SLC1A6: variants seen among roughly 807,000 people sequenced by gnomAD.
The protein encoded by SLC1A6 is solute carrier family 1 member 6, also known as excitatory amino acid transporter 4.
SLC1A6 carries 15 observed loss-of-function variants against 42.1 expected under a neutral mutation model. That is an observed-to-expected ratio of 0.36 (90% CI 0.24 to 0.55). The LOEUF (loss-of-function observed/expected upper bound fraction) is 0.55. Among genes scored for constraint, SLC1A6 ranks in the 20% least tolerant of loss-of-function variants. The probability of loss-of-function intolerance (pLI) is 0.88; values close to 1 mark genes in which losing one functional copy is unlikely to be tolerated. For missense variants in SLC1A6, 542 were observed against 772.5 expected, an observed-to-expected ratio of 0.70 and a Z score of 3.54; for synonymous variants, 317 against 319.7, an observed-to-expected ratio of 0.99 and a Z score of 0.09.
upstream of SLC1A6, among the ~76,000 whole-genome samples, chr19:14,981,661 T>A (rs1366955162): frequency 6.6e-6 from 1 of 152,154 alleles, no homozygotes; most frequent in Admixed American, 6.6e-5. Flanking sequence ...GAGCCCTCGG[T>A]CTGTCACGCA....
At chr19:14,959,947 T>A (rs1048038718) in intron 6 of SLC1A6, among the ~76,000 whole-genome samples, 5 of 152,256 alleles carry the variant, frequency 3.3e-5, no homozygotes, top group Non-Finnish European at 7.3e-5. Flanking sequence ...CCTTGTGTTA[T>A]ATTGATCTAC....
chr19:14,958,804 T>G (rs945234306), intron 6 of SLC1A6, among the ~76,000 whole-genome samples: 7 of 152,204 alleles, frequency 4.6e-5, no homozygotes, highest in Non-Finnish European at 8.8e-5. Flanking sequence ...CTGCTATAAA[T>G]TCATTGTTCC....
At chr19:14,986,682 C>T (rs1036551313) in intron 1 of SLC1A6, among the ~76,000 whole-genome samples, 1 of 151,388 alleles carries the variant, frequency 6.6e-6, no homozygotes, top group South Asian at 2.1e-4. Flanking sequence ...CCTTGACATC[C>T]TGGGCTCAAG....
At chr19:15,002,439 A>C (rs186467525) in intron 1 of SLC1A6, among the ~76,000 whole-genome samples, 1 of 152,176 alleles carries the variant, frequency 6.6e-6, no homozygotes, top group Admixed American at 6.6e-5. Flanking sequence ...CCTGGCTTGG[A>C]TTTCTTCAGA....
intron 9 of SLC1A6, among the ~76,000 whole-genome samples, chr19:14,951,521 G>GTTTTTA (rs1259962970): frequency 6.6e-6 from 1 of 151,840 alleles, no homozygotes; most frequent in South Asian, 2.1e-4. Context: ...TTTTGTTTTT[G>GTTTTTA]TTTTTGTTTT....
intron 1 of SLC1A6, among the ~76,000 whole-genome samples, chr19:14,996,571 C>CT (rs1309559476): frequency 1.3e-3 from 40 of 31,410 alleles, no homozygotes; most frequent in South Asian, 4.3e-3. Context: ...GTTCTTCTTC[C>CT]TCTTCTTCTT....
intron 1 of SLC1A6, among the ~76,000 whole-genome samples, chr19:14,995,712 CAT>C (rs761691518): frequency 2.0e-5 from 3 of 151,990 alleles, no homozygotes; most frequent in Non-Finnish European, 4.4e-5. Context: ...TTAATTAAAA[CAT>C]ATATTAAAAG....
chr19:14,960,341 A>G (rs987513045), intron 6 of SLC1A6, among the ~76,000 whole-genome samples: 5 of 152,254 alleles, frequency 3.3e-5, no homozygotes, highest in African/African-American at 1.2e-4. Flanking sequence ...AAATAAACAG[A>G]TGAATCCATC....
chr19:14,997,479 G>A (rs7256386), intron 1 of SLC1A6, among the ~76,000 whole-genome samples: 13,716 of 152,144 alleles, frequency 0.09, 678 homozygotes, highest in Middle Eastern at 0.16. Context: ...GATATTTGGG[G>A]TTCATAGCTT....
upstream of SLC1A6, among the ~76,000 whole-genome samples, chr19:14,982,397 C>T (rs144574923): frequency 5.9e-3 from 895 of 152,106 alleles, 41 homozygotes; most frequent in East Asian, 0.13. Flanking sequence ...GGCATGGTGG[C>T]GGGTGCCTGT....
At chr19:14,988,030 G>A (rs1036433476) in intron 1 of SLC1A6, among the ~76,000 whole-genome samples, 6 of 152,034 alleles carry the variant, frequency 3.9e-5, no homozygotes, top group Non-Finnish European at 4.4e-5. Context: ...AAAATCAGCC[G>A]GGCGTGGTGG....
chr19:15,005,293 G>A (rs936063122), intron 1 of SLC1A6, among the ~76,000 whole-genome samples: 4 of 150,758 alleles, frequency 2.7e-5, no homozygotes, highest in Admixed American at 2.0e-4. Flanking sequence ...GCACGGTGGC[G>A]GTCAGGAGTT....
At chr19:14,974,453 A>G (rs988199686) in intron 1 of SLC1A6, 2 of 152,190 alleles carry the variant, frequency 1.3e-5, no homozygotes, top group African/African-American at 4.8e-5. Context: ...TATATTTTTC[A>G]TCAACATTAA....
intron 1 of SLC1A6, among the ~76,000 whole-genome samples, chr19:14,991,832 GCTTTTTT>G (rs2045821620): frequency 7.5e-6 from 1 of 133,016 alleles, no homozygotes; most frequent in African/African-American, 2.9e-5. Flanking sequence ...TTTTCCTTCT[GCTTTTTT>G]CTTTTTTTTT....
At chr19:14,975,764 AAG>A (rs761969047) in intron 1 of SLC1A6, among the ~76,000 whole-genome samples, 1 of 15,710 alleles carries the variant, frequency 6.4e-5, no homozygotes, top group African/African-American at 3.1e-4. Context: ...AAAAAAAAAA[AAG>A]GAAAAAAAAA....
At chr19:14,978,253 C>T (rs1481249369) in intron 1 of SLC1A6, 1 of 152,200 alleles carries the variant, frequency 6.6e-6, no homozygotes, top group East Asian at 1.9e-4. Context: ...GTGTGGGCTG[C>T]TTCTCGGAGC....
At position 14,962,209 on chromosome 19, in the gene SLC1A6, G is replaced by C. The variant is rs1297299048; in HGVS notation, c.728C>G (p.Ala243Gly). ...GTSFLENVTRALGTLQEMLSF... is the reference protein window; with the variant it reads ...GTSFLENVTRGLGTLQEMLSF... ...CAGCATCTCCTGCAGGGTACCCAAG[G>C]CCCGAGTGACATTTTCCAGGAAGCT... Residue 243 changes from alanine to glycine, a missense_variant, in exon 6 of 10, where the codon GCC becomes GGC. Physicochemically the swap from Ala to Gly is moderately conservative, Grantham distance 60. Transcript: ENST00000594383. The C allele has an allele frequency of 1.2e-6, 2 of 1,614,154 alleles. No individual in the cohort carries two copies. Among genetic ancestry groups the C allele is most frequent in the Admixed American group, 3.3e-5 (2 of 60,022 alleles).
At chr19:14,999,795 A>T (rs1326949092) in intron 1 of SLC1A6, among the ~76,000 whole-genome samples, 1 of 152,226 alleles carries the variant, frequency 6.6e-6, no homozygotes, top group Non-Finnish European at 1.5e-5. Flanking sequence ...TCAATACAAT[A>T]GTCAATAAAT....
chr19:14,954,165 T>G lies in SLC1A6; in HGVS notation c.1334A>C (p.Glu445Ala), dbSNP rs769401254. The G allele has an allele frequency of 6.2e-7, 1 of 1,611,792 alleles. No individual in the cohort carries two copies. The highest frequency in any genetic ancestry group is 8.5e-7 in the Non-Finnish European group (1 of 1,178,764). Residue 445 changes from glutamate (E) to alanine (A), a missense_variant, in exon 8 of 10, where the codon GAG becomes GCG. Around this residue, in one of 6 missense-constraint regions of SLC1A6, gnomAD observed 54 missense variants for 125.1 expected, o/e 0.43. Coordinates refer to ENST00000594383, the MANE Select transcript of SLC1A6 (RefSeq NM_005071.3). ...GGTTGTGATCTGACCCAGGTTGAGCTCGTAGTTGTTAACTTGAGCAATGAA... is the reference window on the plus strand; with the variant it reads ...GGTTGTGATCTGACCCAGGTTGAGCGCGTAGTTGTTAACTTGAGCAATGAA... ...AIFIAQVNNY[E>A]LNLGQITTIS...
Sources: gnomAD v4.1 joint callset for allele counts (sites outside exome capture counted in the v4.1 genomes callset) on GRCh38, gnomAD v4.1.1 for gene constraint, gnomAD v4.1.1 regional missense constraint, MANE v1.5 for transcripts, NCBI Gene and HGNC (gene_info 2026-07-23, HGNC 2026-07-21) for gene names.